MYO19: variants seen among roughly 807,000 people sequenced by gnomAD.
MYO19 encodes the protein unconventional myosin-XIX.
A neutral mutation model predicts 129.2 loss-of-function variants in MYO19; 132 were observed. That is an observed-to-expected ratio of 1.02 (90% CI 0.89 to 1.18). The LOEUF (loss-of-function observed/expected upper bound fraction) is 1.18, where lower values mean the gene tolerates loss of function less well. MYO19 is among the 50% of genes most tolerant of loss of function. The probability of loss-of-function intolerance (pLI) is 0.00; values close to 1 mark genes in which losing one functional copy is unlikely to be tolerated. For synonymous variants in MYO19, 531 were observed against 477.2 expected, an observed-to-expected ratio of 1.11 and a Z score of -1.47; for missense variants, 1,210 against 1,216.7, an observed-to-expected ratio of 0.99 and a Z score of 0.08.
Position 36,499,120 on chromosome 17 carries a change from C to T in MYO19, c.2418G>A (p.Leu806=). ...SWLTRKHIQR[L]HAAATVIKRA... is the part of the protein sequence containing the mutation. Reference sequence around the variant, plus strand: ...GCTTGATGACTGTGGCAGCTGCATGCAGCCTCTGGATGTGTTTCCGAGTTA... The same window carrying T: ...GCTTGATGACTGTGGCAGCTGCATGTAGCCTCTGGATGTGTTTCCGAGTTA... Residue 806 remains leucine, a synonymous_variant, in exon 24 of 26, where the codon CTG becomes CTA. Coordinates refer to ENST00000614623, the MANE Select transcript of MYO19 (RefSeq NM_001163735.2). 1.2e-6 allele frequency: 2 copies of T among 1,610,298 alleles called. No individual in the cohort carries two copies. The highest frequency in any genetic ancestry group is 1.7e-6 in the Non-Finnish European group (2 of 1,178,230).
In MYO19 at chr17:36,506,494, T is replaced by C. The variant is rs1380344619; in HGVS notation, c.1759A>G (p.Ser587Gly). The change falls in exon 18 of 26, where the codon AGC (serine) becomes GGC (glycine). Residue 587 changes from serine (S) to glycine (G), a missense_variant. By Grantham distance (56) the Ser-to-Gly change is moderately conservative. Coordinates refer to ENST00000614623, the MANE Select transcript of MYO19 (RefSeq NM_001163735.2). ...ACCACGGTCAACACAGGGGCCCTGC[T>C]CTGGCCAGGGGGTTCCTCCTGGGTC... Reference protein sequence around the residue: ...EKTQEEPPGQSRAPVLTVVSK... With the variant: ...EKTQEEPPGQGRAPVLTVVSK... 1 of 1,613,164 alleles carries C rather than the reference T, an allele frequency of 6.2e-7. No homozygotes were observed. The highest frequency in any genetic ancestry group is 2.2e-5 in the East Asian group (1 of 44,828).
intron 21 of MYO19, chr17:36,502,854 T>G: frequency 1.8e-6 from 1 of 565,850 alleles, no homozygotes; most frequent in Non-Finnish European, 3.1e-6. Flanking sequence ...AGATACTACC[T>G]CTTCCAGGAA....
intron 19 of MYO19, 44 bp downstream of exon 19, chr17:36,505,253 A>G: frequency 6.5e-7 from 1 of 1,541,902 alleles, no homozygotes; most frequent in South Asian, 1.1e-5. Flanking sequence ...GGCCTTGGCC[A>G]GATGGGGTTT....
At chr17:36,528,040 T>G in intron 4 of MYO19, 24 bp downstream of exon 4, 1 of 1,604,748 alleles carries the variant, frequency 6.2e-7, no homozygotes. Context: ...GAGATGATAC[T>G]CCTGAGGAAT....
In MYO19 at chr17:36,532,624, G is replaced by T. The variant is rs983974252; in HGVS notation, c.-86C>A. On this transcript the variant is annotated 5_prime_UTR_variant, in exon 3 of 26. Transcript: ENST00000614623. ...CCTAGTCATGGGACCATGGGCTGGG[G>T]TATGGTTCCAACAAAGGGCTCAGTT... 1.3e-6 allele frequency: 2 copies of T among 1,486,190 alleles called. No homozygotes were observed. The highest frequency in any genetic ancestry group is 1.9e-4 in the Middle Eastern group (1 of 5,322). The allele number at this position is 1,486,190 out of a possible 1,614,324, so 92.1% of individuals were successfully genotyped here.
Position 36,503,985 on chromosome 17 carries a change from C to T in MYO19, c.1941G>A (p.Glu647=). The change falls in exon 20 of 26, where the codon GAG becomes GAA. Residue 647 remains glutamate (E), a synonymous_variant. Transcript: ENST00000614623. The part of the protein sequence containing the change: ...LSQLEACGLV[E]TIHISAAGFP... ...AGCCAGCAGCACTGATATGGATGGT[C>T]TCCACGAGGCCACAGGCCTCCAGCT... 1 of 1,588,982 alleles carries T rather than the reference C, an allele frequency of 6.3e-7. No individual in the cohort carries two copies. Among genetic ancestry groups the T allele is most frequent in the Non-Finnish European group, 8.6e-7 (1 of 1,169,384 alleles).
chr17:36,497,122 G>T (rs1214004213), intron 25 of MYO19, among the ~76,000 whole-genome samples: 1 of 151,896 alleles, frequency 6.6e-6, no homozygotes, highest in Non-Finnish European at 1.5e-5. Context: ...TTGAGGTCAG[G>T]AGTTTGAGAC....
chr17:36,511,561 C>A (rs2072330166), intron 11 of MYO19, 106 bp from the exon 12 acceptor site: 2 of 1,002,078 alleles, frequency 2.0e-6, no homozygotes, highest in Non-Finnish European at 1.5e-6. Context: ...AAGGGCAGCT[C>A]CCAATCATGG....
chr17:36,525,190 A>G, intron 6 of MYO19, 38 bp downstream of exon 6: 1 of 1,465,898 alleles, frequency 6.8e-7, no homozygotes, highest in South Asian at 1.1e-5. Context: ...CCACCCAGCC[A>G]GTCGTGAGTT....
In MYO19 at chr17:36,498,430, G is replaced by T. The variant is rs968912623; in HGVS notation, c.2593C>A (p.Pro865Thr). Residue 865 changes from proline (P) to threonine (T), a missense_variant, in exon 25 of 26, where the codon CCC (proline) becomes ACC (threonine). Transcript: ENST00000614623. ...GTATTGGCCAGGACCAGTCCCAGGG[G>T]CCAGAGGCGGATTATTGCCTCCAGG... Reference protein sequence around the residue: ...RLLEAIIRLWPLGLVLANTAM... With the variant: ...RLLEAIIRLWTLGLVLANTAM... 6 of 1,613,896 alleles carry T rather than the reference G, an allele frequency of 3.7e-6. No individual in the cohort carries two copies. The Admixed American group carries it at 8.3e-5, about 22-fold the overall frequency.
intron 21 of MYO19, among the ~76,000 whole-genome samples, chr17:36,502,598 A>G (rs956844050): frequency 6.6e-6 from 1 of 152,148 alleles, no homozygotes; most frequent in Non-Finnish European, 1.5e-5. Flanking sequence ...GAGGCTGATA[A>G]GAGTCATTTG....
chr17:36,528,113 C>G lies in MYO19; in HGVS notation c.102G>C (p.Leu34=). The part of the protein sequence containing the change: ...LQEFLGGEVL[L]YKLDDLTRVN... ...CCCTGGTGAGGTCATCCAGTTTGTA[C>G]AGCAGGACCTCCCCACCCAGGAACT... The change falls in exon 4 of 26, where the codon CTG becomes CTC. Residue 34 remains leucine (L), a synonymous_variant. Transcript: ENST00000614623. The G allele has an allele frequency of 2.5e-6, 4 of 1,613,924 alleles. No individual in the cohort carries two copies. The highest frequency in any genetic ancestry group is 3.4e-6 in the Non-Finnish European group (4 of 1,179,872).
chr17:36,514,437 G>C lies in MYO19; in HGVS notation c.720+9C>G, dbSNP rs2072597093. ...CATCTGGGGGGCTGTGGCCCCATTT[G>C]GCACAAACCTGATAGAAGATGTGGA... On this transcript the variant is annotated intron_variant, in intron 9 of 25. Coordinates refer to ENST00000614623, the MANE Select transcript of MYO19 (RefSeq NM_001163735.2). 1 of 1,594,228 alleles carries C rather than the reference G, an allele frequency of 6.3e-7. No homozygotes were observed. The highest frequency in any genetic ancestry group is 1.3e-5 in the African/African-American group (1 of 74,538).
chr17:36,536,223 G>C (rs1174597381), upstream of MYO19, among the ~76,000 whole-genome samples: 1 of 152,160 alleles, frequency 6.6e-6, no homozygotes, highest in South Asian at 2.1e-4. Flanking sequence ...AAACATAGCT[G>C]TCTGTAAATG....
chr17:36,507,560 T>C (rs759676275), intron 15 of MYO19, 48 bp from the exon 16 acceptor site: 1 of 1,578,402 alleles, frequency 6.3e-7, no homozygotes, highest in Non-Finnish European at 8.7e-7. Context: ...TGTGGTCTGA[T>C]GTCCTGACGG....
intron 23 of MYO19, 99 bp from the exon 24 acceptor site, chr17:36,499,259 C>A: frequency 8.2e-5 from 59 of 717,538 alleles, no homozygotes; most frequent in Middle Eastern, 2.6e-4. Flanking sequence ...GTCAAAGTTT[C>A]AAATACGTTT....
intron 6 of MYO19, among the ~76,000 whole-genome samples, chr17:36,520,531 C>T (rs529709258): frequency 6.6e-6 from 1 of 152,030 alleles, no homozygotes; most frequent in African/African-American, 2.4e-5. Context: ...GGTTTTTTTT[C>T]AATAAATCTC....
chr17:36,502,309 A>C (rs2071590211), intron 21 of MYO19, among the ~76,000 whole-genome samples: 1 of 152,064 alleles, frequency 6.6e-6, no homozygotes, highest in South Asian at 2.1e-4. Flanking sequence ...TGCCTTGCAG[A>C]CTTCTTCACT....
In MYO19 at chr17:36,506,998, G is replaced by A. The variant is rs772656779; in HGVS notation, c.1609C>T (p.Arg537Trp). The change falls in exon 17 of 26, where the codon CGG (arginine) becomes TGG (tryptophan). Residue 537 changes from arginine (R) to tryptophan (W), a missense_variant. Arg to Trp is a moderately radical substitution (Grantham distance 101). Coordinates refer to ENST00000614623, the MANE Select transcript of MYO19 (RefSeq NM_001163735.2). ...TCCACCAGGCCTGCTGTGTGGTACC[G>A]CACAGGCCCCGCATAATGCACCACA... Reference protein sequence around the residue: ...FIVVHYAGPVRYHTAGLVEKN... With the variant: ...FIVVHYAGPVWYHTAGLVEKN... 48 of 1,610,732 alleles carry A rather than the reference G, an allele frequency of 3.0e-5. No homozygotes were observed. The highest frequency in any genetic ancestry group is 5.3e-5 in the African/African-American group (4 of 74,896).
Sources: allele counts gnomAD v4.1 joint callset (sites outside exome capture counted in the v4.1 genomes callset), GRCh38; gene constraint gnomAD v4.1.1; transcripts MANE v1.5; gene names NCBI Gene and HGNC (gene_info 2026-07-23, HGNC 2026-07-21).